Variants in ESRRG observed in about 807,000 individuals in gnomAD.
The protein encoded by ESRRG is estrogen related receptor gamma.
ESRRG carries 13 observed loss-of-function variants against 44.0 expected under a neutral mutation model. That is an observed-to-expected ratio of 0.30 (90% CI 0.19 to 0.47). The LOEUF (loss-of-function observed/expected upper bound fraction) is 0.47, where lower values mean the gene tolerates loss of function less well. Ranked by LOEUF, ESRRG falls within the 20% of genes least tolerant of loss-of-function variation. The probability of loss-of-function intolerance (pLI) is 1.00; values close to 1 mark genes in which losing one functional copy is unlikely to be tolerated. For missense variants in ESRRG, 395 were observed against 580.6 expected (o/e 0.68, Z 3.29); for synonymous variants, 215 against 214.6 (o/e 1.00, Z -0.02).
At chr1:216,722,240 T>C (rs888791361) in intron 1 of ESRRG, among the ~76,000 whole-genome samples, 4 of 152,240 alleles carry the variant, frequency 2.6e-5, no homozygotes, top group Admixed American at 2.6e-4. Context: ...CAGTTGGTAT[T>C]ACTGTAATGT....
At chr1:216,704,290 G>A (rs1212542498) in intron 1 of ESRRG, among the ~76,000 whole-genome samples, 1 of 152,140 alleles carries the variant, frequency 6.6e-6, no homozygotes, top group African/African-American at 2.4e-5. Flanking sequence ...GAGGCGGGTG[G>A]ATCACCTGAG....
intron 2 of ESRRG, among the ~76,000 whole-genome samples, chr1:216,908,900 A>AT (rs932433855): frequency 4.3e-4 from 66 of 151,862 alleles, no homozygotes; most frequent in African/African-American, 1.6e-3. Context: ...TTAGGGAACA[A>AT]TTTTTTTTCA....
chr1:216,966,440 G>C (rs575499837), intron 1 of ESRRG, among the ~76,000 whole-genome samples: 2 of 152,204 alleles, frequency 1.3e-5, no homozygotes, highest in South Asian at 4.1e-4. Flanking sequence ...CCAAGCCCTT[G>C]GGCTCAACCT....
intron 2 of ESRRG, among the ~76,000 whole-genome samples, chr1:216,809,112 G>GT (rs970882936): frequency 6.6e-6 from 1 of 152,028 alleles, no homozygotes; most frequent in Non-Finnish European, 1.5e-5. Context: ...ACCCTGCAAG[G>GT]TGTGTACTAT....
rs558869111 is a variant in ESRRG, at chr1:217,035,605, C to T, written c.-106+53902G>A. 4.7e-5 allele frequency among the ~76,000 whole-genome samples: 7 copies of T among 149,896 alleles called. No individual in the cohort carries two copies. The East Asian group carries it at 5.9e-4, about 13-fold the overall frequency. On this transcript the variant is annotated intron_variant, in intron 1 of 7. Coordinates refer to the ESRRG transcript ENST00000359162. ...ACAGAAAAAAAGTTACTAGGCCCTG[C>T]GATATTTAATAGGATGTTTTGGTTT...
rs147010416 is a variant in ESRRG, at chr1:217,030,340, A to T, written c.-106+59167T>A. Among the ~76,000 whole-genome samples, 324 of 152,260 alleles carry T rather than the reference A, an allele frequency of 2.1e-3. 1 individual carries two copies. Among genetic ancestry groups the T allele is most frequent in the African/African-American group, 7.4e-3 (306 of 41,544 alleles). Reference sequence around the variant, plus strand: ...CAGACACTGAGCCACGCATGGGATAAACAGACCACCATTACCCGAAACTCA... The same window carrying T: ...CAGACACTGAGCCACGCATGGGATATACAGACCACCATTACCCGAAACTCA... On this transcript the variant is annotated intron_variant, in intron 1 of 7. Transcript: ENST00000359162.
intron 1 of ESRRG, among the ~76,000 whole-genome samples, chr1:216,988,659 A>G (rs2075240562): frequency 6.6e-6 from 1 of 152,154 alleles, no homozygotes; most frequent in South Asian, 2.1e-4. Context: ...CTTGAGCTTG[A>G]TAATACCATA....
At position 217,135,117 on chromosome 1, in the gene ESRRG, G is replaced by C. The variant is rs180931512; in HGVS notation, c.-230+2550C>G. Among the ~76,000 whole-genome samples, 6 of 152,332 alleles carry C rather than the reference G, an allele frequency of 3.9e-5. No homozygotes were observed. In the East Asian group the frequency reaches 1.2e-3, roughly 30 times the overall value. The stretch of plus-strand genomic sequence containing the variant: ...CAAATGGCCAGGCTTCCTGGGCACT[G>C]CGTCCTCATTCCCAGGTCAGAGCTA... On this transcript the variant is annotated intron_variant, in intron 1 of 8. Coordinates refer to the ESRRG transcript ENST00000366940.
chr1:217,003,246 C>T (rs2077278222), intron 1 of ESRRG, among the ~76,000 whole-genome samples: 1 of 151,846 alleles, frequency 6.6e-6, no homozygotes, highest in East Asian at 1.9e-4. Context: ...ACTTTGAAGT[C>T]AGAAAAAAGT....
At chr1:217,064,144 A>G (rs147672554) in intron 1 of ESRRG, among the ~76,000 whole-genome samples, 2 of 151,864 alleles carry the variant, frequency 1.3e-5, no homozygotes. Context: ...ACATACATAT[A>G]TATGTTGCAT....
intron 2 of ESRRG, among the ~76,000 whole-genome samples, chr1:216,739,477 C>A (rs1054548598): frequency 6.6e-6 from 1 of 152,126 alleles, no homozygotes; most frequent in African/African-American, 2.4e-5. Flanking sequence ...GATAGGTGCT[C>A]TAAAAATGCA....
intron 5 of ESRRG, among the ~76,000 whole-genome samples, chr1:216,552,552 T>C (rs1318779769): frequency 6.6e-6 from 1 of 152,190 alleles, no homozygotes; most frequent in East Asian, 1.9e-4. Flanking sequence ...CATTGGATTA[T>C]CTCAGCAATC....
intron 1 of ESRRG, among the ~76,000 whole-genome samples, chr1:217,130,002 T>C (rs1219016905): frequency 6.6e-6 from 1 of 152,146 alleles, no homozygotes; most frequent in Non-Finnish European, 1.5e-5. Flanking sequence ...AAAGTAAATA[T>C]TAACTTGAAC....
rs11117685 is a variant in ESRRG at position 216,812,862 on chromosome 1, A to C, written c.-14+126720T>G. ...TCAGGTCAGTTGACCAAAAAACATG[A>C]ATTTAGGGTCTATTTTCTATGCCAT... On this transcript the variant is annotated intron_variant, in intron 2 of 7. Transcript: ENST00000359162. Among the ~76,000 whole-genome samples, 593 of 152,312 alleles carry C rather than the reference A, an allele frequency of 3.9e-3. 2 individuals carry two copies. The highest frequency in any genetic ancestry group is 0.013 in the African/African-American group (553 of 41,566).
chr1:216,806,801 G>C (rs931380030), intron 2 of ESRRG, among the ~76,000 whole-genome samples: 1 of 152,148 alleles, frequency 6.6e-6, no homozygotes, highest in African/African-American at 2.4e-5. Flanking sequence ...ACAGTGTTCG[G>C]CTGCCCTGGG....
intron 2 of ESRRG, among the ~76,000 whole-genome samples, chr1:216,879,859 T>C (rs560721631): frequency 3.9e-5 from 6 of 152,202 alleles, no homozygotes; most frequent in Non-Finnish European, 4.4e-5. Flanking sequence ...TGGCAAAATA[T>C]CTTGGTGGCA....
At chr1:216,705,512 C>T (rs1303983791) in intron 1 of ESRRG, among the ~76,000 whole-genome samples, 1 of 152,098 alleles carries the variant, frequency 6.6e-6, no homozygotes, top group Non-Finnish European at 1.5e-5. Context: ...CGTTGAAAGT[C>T]CCAAAGATTC....
intron 1 of ESRRG, among the ~76,000 whole-genome samples, chr1:217,048,601 C>G (rs1336164365): frequency 6.6e-6 from 1 of 152,126 alleles, no homozygotes; most frequent in Non-Finnish European, 1.5e-5. Context: ...GCACAAGAAG[C>G]TCTTGCATCC....
At chr1:216,673,639 C>T (rs2151437028) in intron 2 of ESRRG, among the ~76,000 whole-genome samples, 1 of 152,350 alleles carries the variant, frequency 6.6e-6, no homozygotes, top group East Asian at 1.9e-4. Context: ...GCATAGAATT[C>T]CAATTGCTCT....
Sources: allele counts gnomAD v4.1 joint callset (sites outside exome capture counted in the v4.1 genomes callset), GRCh38; gene constraint gnomAD v4.1.1; transcripts MANE v1.5; gene names NCBI Gene and HGNC (gene_info 2026-07-23, HGNC 2026-07-21).